The following MARCHF6 variants were observed in gnomAD, a reference collection of about 807,000 sequenced individuals.
MARCHF6 encodes the protein E3 ubiquitin-protein ligase MARCHF6.
Under a neutral mutation model 133.7 loss-of-function variants are expected in MARCHF6, and 31 were observed. That is an observed-to-expected ratio of 0.23 (90% CI 0.17 to 0.31). MARCHF6 has a LOEUF of 0.31. Ranked by LOEUF, MARCHF6 falls within the 10% of genes least tolerant of loss-of-function variation. The pLI is 1.00. For synonymous variants in MARCHF6, 395 were observed against 402.5 expected (o/e 0.98, Z 0.22); for missense variants, 723 against 1,121.6 (o/e 0.64, Z 5.08).
chr5:10,405,815 C>A, intron 16 of MARCHF6, 138 bp downstream of exon 16: 1 of 660,876 alleles, frequency 1.5e-6, no homozygotes, highest in Non-Finnish European at 2.3e-6. Context: ...CTGTGGTATT[C>A]AGTTGTCAAG....
chr5:10,431,650 T>TGA lies in MARCHF6; in HGVS notation c.2642+1626_2642+1627dup, dbSNP rs3836832. On this transcript the variant is annotated intron_variant, in intron 25 of 25. Coordinates refer to ENST00000274140, the MANE Select transcript of MARCHF6 (RefSeq NM_005885.4). ...GAGTGTGTGTGTGTGTGTGTGTGTG[T>TGA]GAGAGTGTATGTGTGTGTGTGGTGG... Among the ~76,000 whole-genome samples, 78 of 141,488 alleles carry TGA rather than the reference T, an allele frequency of 5.5e-4. No individual in the cohort carries two copies. The East Asian group carries it at 0.013, about 24-fold the overall frequency. 92.8% of individuals were successfully genotyped at this position (141,488 alleles called of 152,430 possible).
At chr5:10,402,510 G>A in intron 13 of MARCHF6, 23 bp from the exon 14 acceptor site, 1 of 1,612,104 alleles carries the variant, frequency 6.2e-7, no homozygotes, top group Non-Finnish European at 8.5e-7. Flanking sequence ...GGGTGATACT[G>A]ATGACCTTTA....
intron 18 of MARCHF6, among the ~76,000 whole-genome samples, chr5:10,411,105 G>A (rs1364646505): frequency 6.6e-6 from 1 of 152,044 alleles, no homozygotes; most frequent in Non-Finnish European, 1.5e-5. Context: ...TGAAGAAAAC[G>A]TAAAATAGGT....
intron 7 of MARCHF6, 125 bp downstream of exon 7, chr5:10,391,856 C>T: frequency 9.4e-7 from 1 of 1,061,438 alleles, no homozygotes; most frequent in Non-Finnish European, 1.2e-6. Flanking sequence ...CTTATTTTTA[C>T]TTTATTTTGG....
At chr5:10,397,579 GT>G (rs576844573) in intron 10 of MARCHF6, among the ~76,000 whole-genome samples, 12 of 147,726 alleles carry the variant, frequency 8.1e-5, no homozygotes, top group Admixed American at 1.4e-4. Flanking sequence ...GCATTTCTGG[GT>G]TTTTTTTTTG....
rs184316095 is a variant in MARCHF6, at chr5:10,393,609, A to T, written c.767-473A>T. Among the ~76,000 whole-genome samples the T allele has an allele frequency of 1.1e-3, 160 of 152,290 alleles. 1 individual carries two copies. The highest frequency in any genetic ancestry group is 3.8e-3 in the African/African-American group (157 of 41,548). Reference sequence around the variant, plus strand: ...TTCTTTCTCCTTCCGTTCTTGCTCCACATAGTTCATATTACTCTGCTGCCT... The same window carrying T: ...TTCTTTCTCCTTCCGTTCTTGCTCCTCATAGTTCATATTACTCTGCTGCCT... On this transcript the variant is annotated intron_variant, in intron 7 of 25. Coordinates refer to ENST00000274140, the MANE Select transcript of MARCHF6 (RefSeq NM_005885.4).
At position 10,423,797 on chromosome 5, in the gene MARCHF6, G is replaced by C; in HGVS notation, c.2346G>C (p.Gln782His). Residue 782 changes from glutamine (Q) to histidine (H), a missense_variant, in exon 23 of 26, where the codon CAG (glutamine) becomes CAC (histidine). Gln to His is a conservative substitution (Grantham distance 24, BLOSUM62 0). Transcript: ENST00000274140. ...CAGCTATAACATTGATGGGTCCTCA[G>C]TGGTGGTTGAAAACTGTAATTGAAC... ...IIAAITLMGP[Q>H]WWLKTVIEQV... 6.2e-7 allele frequency: 1 copy of C among 1,613,274 alleles called. No homozygotes were observed. The highest frequency in any genetic ancestry group is 8.5e-7 in the Non-Finnish European group (1 of 1,179,576).
At chr5:10,389,466 A>G (rs1484278265) in intron 5 of MARCHF6, among the ~76,000 whole-genome samples, 4 of 151,060 alleles carry the variant, frequency 2.6e-5, no homozygotes, top group Non-Finnish European at 5.9e-5. Flanking sequence ...CGGTGGCTCA[A>G]TCTTGGCTTA....
chr5:10,402,265 C>A, intron 12 of MARCHF6, 119 bp from the exon 13 acceptor site: 1 of 1,116,950 alleles, frequency 9.0e-7, no homozygotes, highest in South Asian at 1.3e-5. Context: ...CAGTAAGGGT[C>A]AGTGTGGACA....
chr5:10,395,178 T>A (rs1271877515), intron 9 of MARCHF6, among the ~76,000 whole-genome samples: 2 of 152,230 alleles, frequency 1.3e-5, no homozygotes, highest in African/African-American at 2.4e-5. Context: ...GTAGTAAAGG[T>A]CAAGATGCCC....
chr5:10,372,732 A>G (rs1167739574), intron 1 of MARCHF6, among the ~76,000 whole-genome samples: 2 of 152,172 alleles, frequency 1.3e-5, no homozygotes, highest in Non-Finnish European at 2.9e-5. Context: ...AACTATTCCA[A>G]ACTCCCAAAA....
chr5:10,415,028 T>G (rs1372371876), intron 20 of MARCHF6, among the ~76,000 whole-genome samples: 1 of 152,232 alleles, frequency 6.6e-6, no homozygotes, highest in East Asian at 1.9e-4. Context: ...TAAGCTTAGT[T>G]TTCTGTCTTG....
chr5:10,357,459 T>C (rs1366798960), intron 1 of MARCHF6, among the ~76,000 whole-genome samples: 1 of 152,196 alleles, frequency 6.6e-6, no homozygotes, highest in African/African-American at 2.4e-5. Flanking sequence ...AGCTGTTCTT[T>C]ATGCTTTACG....
Position 10,393,013 on chromosome 5 carries a change from T to A in MARCHF6, c.767-1069T>A, listed in dbSNP as rs141730751. Among the ~76,000 whole-genome samples, 1,090 of 152,176 alleles carry A rather than the reference T, an allele frequency of 7.2e-3. 8 individuals are homozygous for A. Among genetic ancestry groups the A allele is most frequent in the Admixed American group, 0.011 (170 of 15,284 alleles). The stretch of plus-strand genomic sequence containing the variant: ...AGTAGGAAATACACGTCATGATGAG[T>A]GTTGTGCGGGTTGCTCTGAGGATGC... On this transcript the variant is annotated intron_variant, in intron 7 of 25. Coordinates refer to ENST00000274140, the MANE Select transcript of MARCHF6 (RefSeq NM_005885.4).
At chr5:10,394,847 T>C in intron 9 of MARCHF6, 62 bp downstream of exon 9, 1 of 1,048,306 alleles carries the variant, frequency 9.5e-7, no homozygotes, top group Non-Finnish European at 1.4e-6. Context: ...TCACCCAGGC[T>C]GGACTGCAGT....
Position 10,383,036 on chromosome 5 carries a change from AG to A in MARCHF6, c.334+1094del, listed in dbSNP as rs1228272199. On this transcript the variant is annotated intron_variant, in intron 4 of 25. Coordinates refer to ENST00000274140, the MANE Select transcript of MARCHF6 (RefSeq NM_005885.4). ...ATATGGGAGGCAGAGTATATAGATA[AG>A]ATTCATTAGAGTTAAACTAAATGTT... Among the ~76,000 whole-genome samples, 5 of 152,266 alleles carry A rather than the reference AG, an allele frequency of 3.3e-5. No homozygotes were observed. In the East Asian group the frequency reaches 9.7e-4, roughly 29 times the overall value.
At chr5:10,355,503 A>G (rs1476549203) in intron 1 of MARCHF6, among the ~76,000 whole-genome samples, 1 of 152,238 alleles carries the variant, frequency 6.6e-6, no homozygotes, top group Non-Finnish European at 1.5e-5. Context: ...CGAAGCACGT[A>G]TGGAATCATG....
intron 18 of MARCHF6, among the ~76,000 whole-genome samples, 191 bp from the exon 19 acceptor site, chr5:10,411,142 C>T (rs888994706): frequency 6.6e-6 from 1 of 152,098 alleles, no homozygotes; most frequent in Admixed American, 6.5e-5. Flanking sequence ...CCTACAAGTT[C>T]ATTAACATTA....
intron 10 of MARCHF6, 47 bp downstream of exon 10, chr5:10,397,391 T>G: frequency 7.1e-7 from 1 of 1,410,294 alleles, no homozygotes; most frequent in Non-Finnish European, 9.7e-7. Context: ...ATGGTAGGAA[T>G]TTAGTTTTGT....
Sources: allele counts gnomAD v4.1 joint callset (sites outside exome capture counted in the v4.1 genomes callset), GRCh38; gene constraint gnomAD v4.1.1; transcripts MANE v1.5; gene names NCBI Gene and HGNC (gene_info 2026-07-23, HGNC 2026-07-21).